Variants in FAM76A observed in about 807,000 individuals in gnomAD.
FAM76A encodes the protein protein FAM76A.
FAM76A carries 32 observed loss-of-function variants against 46.2 expected under a neutral mutation model. The ratio of observed to expected loss-of-function variants is 0.69; its 90% CI spans 0.52 to 0.93. FAM76A has a LOEUF of 0.93. FAM76A is among the 40% of genes least tolerant of loss of function. The pLI is 0.00. For missense variants in FAM76A, 274 were observed against 361.5 expected (o/e 0.76, Z 1.96); for synonymous variants, 137 against 127.0 (o/e 1.08, Z -0.53).
At chr1:27,759,766 GT>G (rs374632191) in intron 8 of FAM76A, 139 bp downstream of exon 8, 14,532 of 466,034 alleles carry the variant, frequency 0.031, 1 homozygote, top group East Asian at 0.042. Context: ...CCCCTTTTAG[GT>G]TTTTTTTTTT....
At chr1:27,737,373 T>G (rs1225796838) in intron 4 of FAM76A, among the ~76,000 whole-genome samples, 24 of 152,218 alleles carry the variant, frequency 1.6e-4, no homozygotes, top group Non-Finnish European at 3.5e-4. Context: ...TTTTAAACCC[T>G]TTAATGAAAG....
rs2088528617 is a variant in FAM76A at position 27,762,780 on chromosome 1, A to G, written c.*2199A>G. On this transcript the variant is annotated 3_prime_UTR_variant, in exon 9 of 9. Transcript: ENST00000373954. ...AGTCATGGTGTTTTTTTTTAATTTTAAGGACTGAAATTCTGTTACATGATG... is the reference window on the plus strand; with the variant it reads ...AGTCATGGTGTTTTTTTTTAATTTTGAGGACTGAAATTCTGTTACATGATG... 6.6e-6 allele frequency: 1 copy of G among 152,118 alleles called. No individual in the cohort carries two copies. The highest frequency in any genetic ancestry group is 6.5e-5 in the Admixed American group (1 of 15,280). 9.4% of individuals were successfully genotyped at this position (152,118 alleles called of 1,614,324 possible).
At chr1:27,737,875 A>AAAAAAAAAAAAAAAAAAAAAG (rs2088079482) in intron 4 of FAM76A, among the ~76,000 whole-genome samples, 1 of 145,904 alleles carries the variant, frequency 6.9e-6, no homozygotes, top group African/African-American at 2.5e-5. Flanking sequence ...CAACAAAAAA[A>AAAAAAAAAAAAAAAAAAAAAG]AAAAAAAAAA....
chr1:27,731,268 A>G (rs186259596), intron 2 of FAM76A, among the ~76,000 whole-genome samples: 4 of 146,916 alleles, frequency 2.7e-5, no homozygotes, highest in East Asian at 2.0e-4. Flanking sequence ...CAATGGCGCA[A>G]TCTTGGCTCA....
At chr1:27,746,658 C>T (rs1207134476) in intron 5 of FAM76A, among the ~76,000 whole-genome samples, 1 of 152,018 alleles carries the variant, frequency 6.6e-6, no homozygotes, top group Non-Finnish European at 1.5e-5. Flanking sequence ...ACCCAGGAGG[C>T]GGAGGTTGCA....
chr1:27,754,636 C>T (rs2088381615), intron 6 of FAM76A, among the ~76,000 whole-genome samples: 1 of 152,130 alleles, frequency 6.6e-6, no homozygotes, highest in African/African-American at 2.4e-5. Context: ...GGGAAGCTGG[C>T]TTCATTCCTG....
At chr1:27,736,277 A>G (rs368611321) in intron 4 of FAM76A, among the ~76,000 whole-genome samples, 2 of 152,174 alleles carry the variant, frequency 1.3e-5, no homozygotes, top group African/African-American at 4.8e-5. Flanking sequence ...AGCCAAGATT[A>G]CACCACTGCA....
At chr1:27,739,266 G>A (rs530143674) in intron 4 of FAM76A, 20 of 515,052 alleles carry the variant, frequency 3.9e-5, no homozygotes, top group Admixed American at 1.7e-4. Flanking sequence ...ATGTGTGTTC[G>A]CCTACTGCCA....
At chr1:27,728,567 G>A (rs2087901706) in intron 2 of FAM76A, among the ~76,000 whole-genome samples, 1 of 151,806 alleles carries the variant, frequency 6.6e-6, no homozygotes, top group South Asian at 2.1e-4. Flanking sequence ...ACCCAGGCTG[G>A]TCTCTTACTC....
chr1:27,727,333 G>A, intron 1 of FAM76A, 139 bp from the exon 2 acceptor site: 1 of 675,424 alleles, frequency 1.5e-6, no homozygotes, highest in Non-Finnish European at 2.7e-6. Flanking sequence ...TTACAGAGGA[G>A]AAAAATAAGG....
At chr1:27,750,839 C>T (rs1475625622) in intron 6 of FAM76A, among the ~76,000 whole-genome samples, 1 of 152,200 alleles carries the variant, frequency 6.6e-6, no homozygotes, top group Non-Finnish European at 1.5e-5. Context: ...GACATAGGTA[C>T]ATGGTCTTTC....
chr1:27,756,936 A>G (rs1234104237), intron 7 of FAM76A, among the ~76,000 whole-genome samples: 3 of 151,588 alleles, frequency 2.0e-5, no homozygotes, highest in East Asian at 2.0e-4. Flanking sequence ...GTGTGCACCT[A>G]TGGTCCCAGC....
At chr1:27,730,896 A>G (rs2087945738) in intron 2 of FAM76A, among the ~76,000 whole-genome samples, 2 of 151,084 alleles carry the variant, frequency 1.3e-5, no homozygotes, top group South Asian at 4.2e-4. Context: ...GCCCACTGAA[A>G]CCTTGAACTC....
intron 4 of FAM76A, among the ~76,000 whole-genome samples, chr1:27,737,925 C>T (rs1318508804): frequency 6.9e-6 from 1 of 145,302 alleles, no homozygotes; most frequent in Non-Finnish European, 1.5e-5. Context: ...CGTGGTGGTG[C>T]ATGTGTGGTT....
At position 27,752,879 on chromosome 1, in the gene FAM76A, G is replaced by A. The variant is rs534894830; in HGVS notation, c.600-2316G>A. On this transcript the variant is annotated intron_variant, in intron 6 of 8. Coordinates refer to ENST00000373954, the MANE Select transcript of FAM76A (RefSeq NM_152660.3). ...ACCAGGAATTAGAGAGTTAGTGAGG[G>A]CTGGGCACGGTGGCTCACGCCTGTA... 1.2e-4 allele frequency among the ~76,000 whole-genome samples: 18 copies of A among 152,236 alleles called. No individual in the cohort carries two copies. The South Asian group carries it at 3.7e-3, about 32-fold the overall frequency.
intron 6 of FAM76A, 59 bp from the exon 7 acceptor site, chr1:27,755,136 A>G: frequency 1.3e-6 from 2 of 1,594,468 alleles, no homozygotes; most frequent in Non-Finnish European, 8.6e-7. Context: ...ATGCATCCTC[A>G]GGTAGAGAAA....
At chr1:27,755,099 T>G in intron 6 of FAM76A, 96 bp from the exon 7 acceptor site, 1 of 1,384,948 alleles carries the variant, frequency 7.2e-7, no homozygotes, top group East Asian at 2.3e-5. Context: ...TCCTGCCCTT[T>G]AGGAGCTTGC....
At chr1:27,747,674 T>G (rs1363934246) in intron 5 of FAM76A, among the ~76,000 whole-genome samples, 2 of 152,196 alleles carry the variant, frequency 1.3e-5, no homozygotes, top group Non-Finnish European at 2.9e-5. Context: ...CCCAGCACTT[T>G]GGGAGGCCGA....
intron 4 of FAM76A, among the ~76,000 whole-genome samples, chr1:27,744,202 C>T (rs1048024669): frequency 2.0e-5 from 3 of 152,156 alleles, no homozygotes; most frequent in Admixed American, 6.5e-5. Flanking sequence ...GATCTCGGCT[C>T]ACCACAACCT....
Sources: gnomAD v4.1 joint callset for allele counts (sites outside exome capture counted in the v4.1 genomes callset) on GRCh38, gnomAD v4.1.1 for gene constraint, MANE v1.5 for transcripts, NCBI Gene and HGNC (gene_info 2026-07-23, HGNC 2026-07-21) for gene names.